ABAT: variants seen among roughly 807,000 people sequenced by gnomAD.
ABAT encodes the protein 4-aminobutyrate aminotransferase, mitochondrial.
In ABAT, 45 loss-of-function variants were observed where a neutral mutation model predicts 64.6. That is an observed-to-expected ratio of 0.70 (90% CI 0.55 to 0.89). The LOEUF is 0.89. Ranked by LOEUF, ABAT falls within the 40% of genes least tolerant of loss-of-function variation. ABAT has a pLI of 0.00. For synonymous variants in ABAT, 297 were observed against 250.5 expected (o/e 1.19, Z -1.75); for missense variants, 633 against 658.4 (o/e 0.96, Z 0.42).
At chr16:8,678,935 A>T (rs2057266343) in intron 1 of ABAT, among the ~76,000 whole-genome samples, 1 of 152,174 alleles carries the variant, frequency 6.6e-6, no homozygotes, top group Non-Finnish European at 1.5e-5. Flanking sequence ...GTGGGGAATT[A>T]AAAGGACCTA....
In ABAT at chr16:8,764,166, C is replaced by A. The variant is rs376401008; in HGVS notation, c.447+17C>A. The A allele has an allele frequency of 2.4e-5, 39 of 1,607,290 alleles. No individual in the cohort carries two copies. The highest frequency in any genetic ancestry group is 5.0e-5 in the Admixed American group (3 of 59,976). On this transcript the variant is annotated intron_variant, in intron 7 of 15. Transcript: ENST00000268251. The surrounding 1 kb of genome is among the most constrained non-coding windows in gnomAD (Gnocchi z 4.2). ...TTGCTCTCGGTGAGTTCTGGAGAAG[C>A]AATCCCATTGTCTTCAGACGTGGTA...
intron 1 of ABAT, among the ~76,000 whole-genome samples, chr16:8,691,003 T>C (rs1404041714): frequency 2.0e-5 from 3 of 151,924 alleles, no homozygotes; most frequent in Non-Finnish European, 4.4e-5. Flanking sequence ...GGGGAAATAA[T>C]GTTGTTTTAG....
At chr16:8,703,193 T>A (rs1567276036) in intron 1 of ABAT, among the ~76,000 whole-genome samples, 1 of 152,096 alleles carries the variant, frequency 6.6e-6, no homozygotes, top group African/African-American at 2.4e-5. Flanking sequence ...ACACCTGTAA[T>A]CCCAGCACTC....
chr16:8,721,367 T>TGA (rs1241141977), intron 1 of ABAT, among the ~76,000 whole-genome samples: 2 of 152,190 alleles, frequency 1.3e-5, no homozygotes, highest in Admixed American at 1.3e-4. Flanking sequence ...CCACTCTTTA[T>TGA]GGTAATTAAC....
intron 12 of ABAT, among the ~76,000 whole-genome samples, chr16:8,774,312 C>A (rs1314010700): frequency 6.6e-6 from 1 of 152,132 alleles, no homozygotes; most frequent in Non-Finnish European, 1.5e-5. Context: ...CTATTGTGAA[C>A]AGTGCTGCAA....
At chr16:8,687,510 G>T (rs530048394) in intron 1 of ABAT, among the ~76,000 whole-genome samples, 12 of 152,372 alleles carry the variant, frequency 7.9e-5, no homozygotes, top group African/African-American at 2.9e-4. Flanking sequence ...TGGCGACAGA[G>T]TGAGACTCCA....
intron 1 of ABAT, among the ~76,000 whole-genome samples, chr16:8,706,225 C>G (rs993891422): frequency 4.1e-5 from 6 of 145,014 alleles, no homozygotes; most frequent in African/African-American, 1.2e-4. Context: ...GAAACTCTGT[C>G]TCTATAAAAA....
chr16:8,751,397 G>C (rs1464515966), intron 5 of ABAT, among the ~76,000 whole-genome samples: 1 of 152,138 alleles, frequency 6.6e-6, no homozygotes, highest in East Asian at 1.9e-4. Context: ...CAGAGGTAGG[G>C]ATTCTTGGGC....
intron 1 of ABAT, among the ~76,000 whole-genome samples, chr16:8,696,008 C>T (rs2057693285): frequency 6.6e-6 from 1 of 152,236 alleles, no homozygotes; most frequent in Non-Finnish European, 1.5e-5. Context: ...AGGCGTCCAG[C>T]CTCCAGAGTG....
At chr16:8,700,812 C>T (rs2057804751) in intron 1 of ABAT, among the ~76,000 whole-genome samples, 1 of 151,788 alleles carries the variant, frequency 6.6e-6, no homozygotes, top group Admixed American at 6.6e-5. Flanking sequence ...CACTATGTTG[C>T]TCAGGCTGGT....
intron 6 of ABAT, among the ~76,000 whole-genome samples, chr16:8,760,659 G>A (rs993206331): frequency 6.6e-6 from 1 of 152,210 alleles, no homozygotes; most frequent in Admixed American, 6.5e-5. Context: ...AATGTTGTGC[G>A]AATCCCAGAT....
At chr16:8,682,974 A>G (rs747638369) in intron 1 of ABAT, among the ~76,000 whole-genome samples, 6 of 152,222 alleles carry the variant, frequency 3.9e-5, no homozygotes, top group Non-Finnish European at 7.3e-5. Context: ...ACTCAGAGCT[A>G]AGCTAGGGAT....
At chr16:8,755,231 G>A (rs957217806) in intron 5 of ABAT, among the ~76,000 whole-genome samples, 9 of 151,936 alleles carry the variant, frequency 5.9e-5, no homozygotes, top group African/African-American at 1.9e-4. Flanking sequence ...GGTCTCCTAC[G>A]CCTCCCTCCC....
At chr16:8,772,577 C>T (rs1235034561) in intron 11 of ABAT, among the ~76,000 whole-genome samples, 1 of 152,218 alleles carries the variant, frequency 6.6e-6, no homozygotes, top group Non-Finnish European at 1.5e-5. Flanking sequence ...TTTGTATCCA[C>T]CCAGGTGCTA....
intron 9 of ABAT, among the ~76,000 whole-genome samples, chr16:8,767,009 G>C (rs2059965151): frequency 6.6e-6 from 1 of 152,134 alleles, no homozygotes; most frequent in Non-Finnish European, 1.5e-5. Context: ...GAGGGTTTCT[G>C]GAATCTGTGG....
chr16:8,779,481 C>T lies in ABAT; in HGVS notation c.1272C>T (p.Ala424=). 5 of 1,613,980 alleles carry T rather than the reference C, an allele frequency of 3.1e-6. No individual in the cohort carries two copies. The highest frequency in any genetic ancestry group is 4.2e-6 in the Non-Finnish European group (5 of 1,179,910). The change falls in exon 15 of 16, where the codon GCC becomes GCT. Residue 424 remains alanine, a splice_region_variant and synonymous_variant. Coordinates refer to ENST00000268251, the MANE Select transcript of ABAT (RefSeq NM_020686.6). Reference sequence around the variant, plus strand: ...AGCCTTGTCTCCTCCCACTACAGGCCCGGTACCCCCAGTTCATCAGCAGGG... The same window carrying T: ...AGCCTTGTCTCCTCCCACTACAGGCTCGGTACCCCCAGTTCATCAGCAGGG... ...ALLTGLLDLQ[A]RYPQFISRVR...
intron 1 of ABAT, among the ~76,000 whole-genome samples, chr16:8,710,683 TGAGAGAGAGACAGA>T (rs1410799591): frequency 0.015 from 1,294 of 87,826 alleles, 49 homozygotes; most frequent in African/African-American, 0.046. Context: ...AAGGCTGCAC[TGAGAGAGAGACAGA>T]GAGAGAGAGA....
At chr16:8,713,875 A>G (rs575906448) in intron 1 of ABAT, 1 of 456,146 alleles carries the variant, frequency 2.2e-6, no homozygotes, top group Admixed American at 2.3e-5. Flanking sequence ...CGTGAGTGCA[A>G]ATGTGTATGT....
chr16:8,736,196 C>T (rs1047983848), intron 2 of ABAT: 11 of 218,258 alleles, frequency 5.0e-5, no homozygotes, highest in Non-Finnish European at 8.4e-5. Flanking sequence ...ATGGGAAAGA[C>T]CCACCCCCAT....
Sources: gnomAD v4.1 joint callset for allele counts (sites outside exome capture counted in the v4.1 genomes callset) on GRCh38, gnomAD v4.1.1 for gene constraint, Gnocchi (gnomAD v3.1) non-coding constraint, MANE v1.5 for transcripts, NCBI Gene and HGNC (gene_info 2026-07-23, HGNC 2026-07-21) for gene names.